Variants in ZBTB7C observed in about 807,000 individuals in gnomAD.
ZBTB7C encodes zinc finger and BTB domain containing 7C.
Under a neutral mutation model 25.7 loss-of-function variants are expected in ZBTB7C, and 8 were observed. That is an observed-to-expected ratio of 0.31 (90% CI 0.18 to 0.56). The LOEUF is 0.56. ZBTB7C is among the 20% of genes least tolerant of loss of function. ZBTB7C has a pLI of 0.91. For synonymous variants in ZBTB7C, 394 were observed against 369.0 expected, an observed-to-expected ratio of 1.07 and a Z score of -0.78; for missense variants, 824 against 855.2, an observed-to-expected ratio of 0.96 and a Z score of 0.46.
chr18:48,076,506 GA>G (rs2144441854), intron 3 of ZBTB7C, among the ~76,000 whole-genome samples: 1 of 152,308 alleles, frequency 6.6e-6, no homozygotes, highest in African/African-American at 2.4e-5. Context: ...GTCCCAAATA[GA>G]AAAGCAATTT....
chr18:48,209,165 T>C (rs570607118), intron 2 of ZBTB7C, among the ~76,000 whole-genome samples: 2 of 152,332 alleles, frequency 1.3e-5, no homozygotes, highest in East Asian at 3.9e-4. Context: ...CCCTCTCTGA[T>C]GCCAAGGAGG....
At chr18:48,161,695 G>GGCCCGGCCCGGCCCGGGCGCCCCGCCCC (rs2041045431) in intron 3 of ZBTB7C, among the ~76,000 whole-genome samples, 1 of 136,294 alleles carries the variant, frequency 7.3e-6, no homozygotes, top group African/African-American at 2.9e-5. Context: ...TCGGCTGCCC[G>GGCCCGGCCCGGCCCGGGCGCCCCGCCCC]GCCCGGCCCG....
At chr18:48,134,605 A>AAAGGT (rs1277730571) in intron 3 of ZBTB7C, among the ~76,000 whole-genome samples, 1 of 152,168 alleles carries the variant, frequency 6.6e-6, no homozygotes, top group Non-Finnish European at 1.5e-5. Context: ...TTCCCTCCCC[A>AAAGGT]AAGGTAAGGG....
At chr18:48,345,988 G>A (rs2145004147) in intron 1 of ZBTB7C, among the ~76,000 whole-genome samples, 1 of 152,322 alleles carries the variant, frequency 6.6e-6, no homozygotes, top group East Asian at 1.9e-4. Context: ...AGTAATACAG[G>A]TGAGATATTT....
At chr18:48,097,279 A>G (rs1443481826) in intron 3 of ZBTB7C, among the ~76,000 whole-genome samples, 1 of 152,154 alleles carries the variant, frequency 6.6e-6, no homozygotes, top group Non-Finnish European at 1.5e-5. Flanking sequence ...AATCAAAGAG[A>G]GCTTGTCTGT....
At chr18:48,382,395 T>C (rs763211901) in intron 1 of ZBTB7C, among the ~76,000 whole-genome samples, 13 of 152,350 alleles carry the variant, frequency 8.5e-5, no homozygotes, top group Non-Finnish European at 1.8e-4. Context: ...TAAACTTCAC[T>C]ATGCCACGGC....
At chr18:48,361,666 C>T (rs1432674092) in intron 1 of ZBTB7C, among the ~76,000 whole-genome samples, 2 of 152,224 alleles carry the variant, frequency 1.3e-5, no homozygotes, top group Non-Finnish European at 1.5e-5. Context: ...ACACTGGAAT[C>T]CCTTGGGAAA....
At chr18:48,089,792 T>TAAACAAAC (rs56268317) in intron 3 of ZBTB7C, among the ~76,000 whole-genome samples, 1 of 147,450 alleles carries the variant, frequency 6.8e-6, no homozygotes, top group Non-Finnish European at 1.5e-5. Flanking sequence ...ATAGAAAGCC[T>TAAACAAAC]AAACAAACAA....
intron 2 of ZBTB7C, among the ~76,000 whole-genome samples, chr18:48,273,000 G>T (rs1273613687): frequency 6.6e-6 from 1 of 152,206 alleles, no homozygotes; most frequent in Non-Finnish European, 1.5e-5. Flanking sequence ...GCTGGGAAAA[G>T]CACGGAATGG....
intron 2 of ZBTB7C, among the ~76,000 whole-genome samples, chr18:48,204,164 CT>C (rs1311594214): frequency 6.6e-6 from 1 of 152,196 alleles, no homozygotes; most frequent in East Asian, 1.9e-4. Flanking sequence ...GGTCACACTG[CT>C]TGCGGTGGTG....
At chr18:48,167,597 T>TGTGTGTGTGTGTGTGTGTGTGTGTGTGC (rs779870966) in intron 3 of ZBTB7C, among the ~76,000 whole-genome samples, 42 of 148,034 alleles carry the variant, frequency 2.8e-4, no homozygotes, top group Non-Finnish European at 1.1e-4. Context: ...TGTGTGTGTG[T>TGTGTGTGTGTGTGTGTGTGTGTGTGTGC]GCGCGCGTGC....
At chr18:48,199,476 T>C (rs1246437390) in intron 2 of ZBTB7C, among the ~76,000 whole-genome samples, 1 of 152,246 alleles carries the variant, frequency 6.6e-6, no homozygotes, top group Admixed American at 6.5e-5. Flanking sequence ...GATGTTTCTT[T>C]TTTATAACCT....
At chr18:48,095,931 T>G (rs756804865) in intron 3 of ZBTB7C, among the ~76,000 whole-genome samples, 1 of 152,046 alleles carries the variant, frequency 6.6e-6, no homozygotes, top group African/African-American at 2.4e-5. Context: ...CAGTAACGTA[T>G]GGGAAGCCAT....
chr18:48,327,230 C>G (rs577166572), intron 2 of ZBTB7C, among the ~76,000 whole-genome samples: 3 of 152,148 alleles, frequency 2.0e-5, no homozygotes, highest in Non-Finnish European at 2.9e-5. Context: ...CGAGGCCTGC[C>G]CTTCTCTGGA....
chr18:48,299,085 A>G (rs900326527), intron 2 of ZBTB7C, among the ~76,000 whole-genome samples: 2 of 152,154 alleles, frequency 1.3e-5, no homozygotes, highest in Non-Finnish European at 2.9e-5. Context: ...ATGGGGTGGA[A>G]GCTAGGGGCC....
intron 2 of ZBTB7C, among the ~76,000 whole-genome samples, chr18:48,224,732 G>C (rs1161513720): frequency 1.3e-5 from 2 of 152,146 alleles, no homozygotes; most frequent in South Asian, 2.1e-4. Flanking sequence ...TCCATGAATT[G>C]GGAAGAATCA....
chr18:48,395,503 T>C (rs888811749), intron 1 of ZBTB7C, among the ~76,000 whole-genome samples: 4 of 134,934 alleles, frequency 3.0e-5, no homozygotes, highest in Non-Finnish European at 4.8e-5. Flanking sequence ...GTCAGAGGGG[T>C]TGGGGGTGAT....
intron 3 of ZBTB7C, among the ~76,000 whole-genome samples, chr18:48,157,980 G>A (rs2040888212): frequency 6.6e-6 from 1 of 152,086 alleles, no homozygotes; most frequent in Admixed American, 6.5e-5. Flanking sequence ...TGAGGGAGGT[G>A]GGGAGCAGGT....
At chr18:48,128,159 G>C (rs933892020) in intron 3 of ZBTB7C, among the ~76,000 whole-genome samples, 2 of 152,214 alleles carry the variant, frequency 1.3e-5, no homozygotes, top group Admixed American at 6.5e-5. Context: ...CCTTTGGGAA[G>C]CTCCTGGTTC....
Sources: gnomAD v4.1 joint callset for allele counts (sites outside exome capture counted in the v4.1 genomes callset) on GRCh38, gnomAD v4.1.1 for gene constraint, MANE v1.5 for transcripts, NCBI Gene and HGNC (gene_info 2026-07-23, HGNC 2026-07-21) for gene names.